Variants in ALDH7A1 observed in about 807,000 individuals in gnomAD.
ALDH7A1 encodes the protein aldehyde dehydrogenase 7 family member A1.
ALDH7A1 carries 63 observed loss-of-function variants against 79.9 expected under a neutral mutation model. That is an observed-to-expected ratio of 0.79 (90% CI 0.64 to 0.97). The LOEUF (loss-of-function observed/expected upper bound fraction) is 0.97, where lower values mean the gene tolerates loss of function less well. Ranked by LOEUF, ALDH7A1 falls within the 50% of genes least tolerant of loss-of-function variation. ALDH7A1 has a pLI of 0.00. For synonymous variants in ALDH7A1, 240 were observed against 231.2 expected, an observed-to-expected ratio of 1.04 and a Z score of -0.34; for missense variants, 627 against 665.2, an observed-to-expected ratio of 0.94 and a Z score of 0.63.
At position 126,544,557 on chromosome 5, in the gene ALDH7A1, C is replaced by T. The variant is rs1749720553; in HGVS notation, c.*408G>A. Reference sequence around the variant, plus strand: ...GTGGGTAATGTCAAGCAATATTCACCCCCCGCCCCTGAATCCTTCACTTGG... The same window carrying T: ...GTGGGTAATGTCAAGCAATATTCACTCCCCGCCCCTGAATCCTTCACTTGG... On this transcript the variant is annotated 3_prime_UTR_variant, in exon 18 of 18. Coordinates refer to ENST00000409134, the MANE Select transcript of ALDH7A1 (RefSeq NM_001182.5). 4.1e-6 allele frequency: 1 copy of T among 246,202 alleles called. No homozygotes were observed. The highest frequency in any genetic ancestry group is 5.1e-5 in the South Asian group (1 of 19,448). 15.3% of individuals were successfully genotyped at this position (246,202 alleles called of 1,614,324 possible). A position where few individuals can be genotyped will look rare whatever the true frequency, so the allele number is the denominator to read the frequency against.
At chr5:126,587,528 G>T (rs1751392535) in intron 3 of ALDH7A1, 1 of 151,874 alleles carries the variant, frequency 6.6e-6, no homozygotes, top group Admixed American at 6.6e-5. Flanking sequence ...CTACTTGGTA[G>T]GCTGAGGTAG....
intron 17 of ALDH7A1, among the ~76,000 whole-genome samples, chr5:126,546,037 C>T (rs1029032658): frequency 6.6e-6 from 1 of 152,014 alleles, no homozygotes; most frequent in South Asian, 2.1e-4. Context: ...CACCTGAGGT[C>T]GGGAGTTCGA....
chr5:126,559,229 GAT>G lies in ALDH7A1; in HGVS notation c.1008+9_1008+10del. 1 of 1,611,482 alleles carries G rather than the reference GAT, an allele frequency of 6.2e-7. No homozygotes were observed. ...AGAGCAAGACAATCGGGCCTATGCA[GAT>G]ATACTCACCAGTCGCCTCGCAGTGG... On this transcript the variant is annotated intron_variant, in intron 11 of 17. Coordinates refer to ENST00000409134, the MANE Select transcript of ALDH7A1 (RefSeq NM_001182.5).
intron 6 of ALDH7A1, among the ~76,000 whole-genome samples, chr5:126,576,309 C>G (rs987639828): frequency 3.4e-5 from 5 of 149,202 alleles, no homozygotes; most frequent in African/African-American, 1.2e-4. Context: ...AGTTTTTTCT[C>G]TTGTTAAAGT....
chr5:126,566,255 T>C (rs534263405), intron 9 of ALDH7A1, among the ~76,000 whole-genome samples: 1 of 152,230 alleles, frequency 6.6e-6, no homozygotes, highest in Non-Finnish European at 1.5e-5. Context: ...TAATTTATTT[T>C]GATGATGATT....
intron 3 of ALDH7A1, chr5:126,588,431 A>AT (rs1384675582): frequency 2.0e-5 from 3 of 152,210 alleles, no homozygotes; most frequent in Non-Finnish European, 4.4e-5. Flanking sequence ...GTGAGCCAAG[A>AT]TCATGCCAGT....
At chr5:126,554,518 C>G (rs1750114042) in intron 12 of ALDH7A1, 125 bp from the exon 13 acceptor site, 3 of 777,348 alleles carry the variant, frequency 3.9e-6, no homozygotes, top group Non-Finnish European at 6.8e-6. Flanking sequence ...GAACATAAGT[C>G]AGCATCCTTT....
intron 3 of ALDH7A1, among the ~76,000 whole-genome samples, chr5:126,590,275 G>A (rs867227373): frequency 2.6e-5 from 4 of 152,230 alleles, no homozygotes; most frequent in East Asian, 1.9e-4. Flanking sequence ...CTGCCTGGCC[G>A]CTGTGCAACC....
intron 13 of ALDH7A1, among the ~76,000 whole-genome samples, chr5:126,552,956 G>A (rs1367918450): frequency 1.3e-5 from 2 of 150,994 alleles, no homozygotes; most frequent in Non-Finnish European, 3.0e-5. Flanking sequence ...TGTCCAGGTG[G>A]GTCTTGAATT....
At chr5:126,563,031 A>G (rs867714208) in intron 9 of ALDH7A1, among the ~76,000 whole-genome samples, 13 of 152,358 alleles carry the variant, frequency 8.5e-5, no homozygotes, top group Admixed American at 2.0e-4. Flanking sequence ...TCAGTTTTAC[A>G]AGACGAAAAA....
chr5:126,555,013 G>C (rs1750138222), intron 12 of ALDH7A1: 2 of 161,926 alleles, frequency 1.2e-5, no homozygotes, highest in Non-Finnish European at 2.7e-5. Context: ...CAGTAGGATA[G>C]AGCCTGGCAT....
intron 1 of ALDH7A1, chr5:126,593,663 ATAAGCAGTTATTT>A: frequency 1.7e-6 from 1 of 588,164 alleles, no homozygotes; most frequent in Non-Finnish European, 3.0e-6. Context: ...AAGCCTTAAC[ATAAGCAGTTATTT>A]TGTCTCTTTT....
chr5:126,561,400 G>T, intron 9 of ALDH7A1: 1 of 238,856 alleles, frequency 4.2e-6, no homozygotes, highest in Non-Finnish European at 8.0e-6. Context: ...CACATTCTTA[G>T]GAAACACACC....
chr5:126,578,213 C>T (rs1322510265), intron 5 of ALDH7A1, among the ~76,000 whole-genome samples: 2 of 152,042 alleles, frequency 1.3e-5, no homozygotes, highest in East Asian at 1.9e-4. Context: ...CACTTGACCC[C>T]GGGAGGCAGA....
intron 7 of ALDH7A1, among the ~76,000 whole-genome samples, chr5:126,574,911 C>T (rs1750915097): frequency 6.6e-6 from 1 of 152,130 alleles, no homozygotes; most frequent in Non-Finnish European, 1.5e-5. Context: ...GCTTTTATGA[C>T]TTAACCAGAG....
intron 16 of ALDH7A1, among the ~76,000 whole-genome samples, chr5:126,546,619 A>T (rs1032543976): frequency 1.3e-5 from 2 of 151,204 alleles, no homozygotes; most frequent in East Asian, 3.9e-4. Flanking sequence ...AAATATAAGG[A>T]ATTAAGAAGA....
rs201792544 is a variant in ALDH7A1 at position 126,552,101 on chromosome 5, T to C, written c.1237A>G (p.Ile413Val). The change falls in exon 14 of 18, where the codon ATT becomes GTT. Residue 413 changes from isoleucine (I) to valine (V), a missense_variant. Transcript: ENST00000409134. ...GCATCGTGGCCAAGACCTGTCACAATTGTCGGTTCTACATAATTTCCAGGG... is the reference window on the plus strand; with the variant it reads ...GCATCGTGGCCAAGACCTGTCACAACTGTCGGTTCTACATAATTTCCAGGG... Reference protein sequence around the residue: ...DRPGNYVEPTIVTGLGHDASI... With the variant: ...DRPGNYVEPTVVTGLGHDASI... The C allele has an allele frequency of 2.6e-5, 42 of 1,614,130 alleles. No homozygotes were observed. The East Asian group carries it at 8.7e-4, about 33-fold the overall frequency.
chr5:126,575,558 A>T, intron 6 of ALDH7A1, 94 bp from the exon 7 acceptor site: 1 of 1,154,092 alleles, frequency 8.7e-7, no homozygotes. Flanking sequence ...AAAGTGTGAG[A>T]AAAAGCTCTG....
intron 16 of ALDH7A1, among the ~76,000 whole-genome samples, chr5:126,547,706 A>T (rs774779914): frequency 2.0e-5 from 3 of 152,340 alleles, no homozygotes; most frequent in Middle Eastern, 3.4e-3. Context: ...AAAGCACACT[A>T]GTTAGAAAAA....
Sources: allele counts gnomAD v4.1 joint callset (sites outside exome capture counted in the v4.1 genomes callset), GRCh38; gene constraint gnomAD v4.1.1; transcripts MANE v1.5; gene names NCBI Gene and HGNC (gene_info 2026-07-23, HGNC 2026-07-21).